The following SCAMP4 variants were observed in gnomAD, a reference collection of about 807,000 sequenced individuals.
The protein encoded by SCAMP4 is secretory carrier membrane protein 4, also known as secretory carrier-associated membrane protein 4.
In SCAMP4, 19 loss-of-function variants were observed where a neutral mutation model predicts 32.1. The observed-to-expected ratio is 0.59, with a 90% CI of 0.41 to 0.87. SCAMP4 has a LOEUF of 0.87. SCAMP4 is among the 40% of genes least tolerant of loss of function. The pLI is 0.00. For missense variants in SCAMP4, 302 were observed against 309.0 expected (o/e 0.98, Z 0.17); for synonymous variants, 152 against 132.7 (o/e 1.15, Z -1.00).
intron 5 of SCAMP4, chr19:1,921,590 T>C (rs1368421876): frequency 7.1e-6 from 7 of 985,330 alleles, no homozygotes; most frequent in Non-Finnish European, 8.4e-6. Context: ...TGCTGGCCAG[T>C]GGGAAGCTGC....
chr19:1,921,015 C>T (rs1326335479), intron 5 of SCAMP4: 9 of 985,314 alleles, frequency 9.1e-6, no homozygotes, highest in Non-Finnish European at 1.1e-5. Flanking sequence ...AGAAGGTGAA[C>T]GCTCTTGAGA....
At chr19:1,912,428 ACGGCCGGCTGTGGACCCCCG>A (rs2013513989) in intron 1 of SCAMP4, 1 of 1,511,650 alleles carries the variant, frequency 6.6e-7, no homozygotes, top group Non-Finnish European at 8.8e-7. Context: ...AGCTCCTGCC[ACGGCCGGCTGTGGACCCCCG>A]CGGCCTGGGG....
chr19:1,921,061 C>A, intron 5 of SCAMP4: 10 of 985,436 alleles, frequency 1.0e-5, no homozygotes, highest in Non-Finnish European at 1.2e-5. Context: ...GCCCGGCCCC[C>A]CTTGTAATGA....
intron 1 of SCAMP4, among the ~76,000 whole-genome samples, chr19:1,907,734 C>T (rs2013209160): frequency 6.6e-6 from 1 of 152,186 alleles, no homozygotes; most frequent in African/African-American, 2.4e-5. Context: ...CCTGGGCTGC[C>T]TGCCCTCCTG....
intron 1 of SCAMP4, chr19:1,906,369 GAAA>G (rs2013113467): frequency 6.7e-6 from 1 of 149,568 alleles, no homozygotes; most frequent in African/African-American, 2.4e-5. Flanking sequence ...CCAAAAAAAA[GAAA>G]AAAAGATTTT....
intron 2 of SCAMP4, among the ~76,000 whole-genome samples, chr19:1,917,118 G>A (rs1599250120): frequency 6.6e-6 from 1 of 152,200 alleles, no homozygotes. Context: ...TGGCCAACAT[G>A]GTGAAACCTC....
intron 1 of SCAMP4, chr19:1,911,948 G>T: frequency 2.2e-6 from 3 of 1,384,944 alleles, no homozygotes; most frequent in Non-Finnish European, 2.8e-6. Context: ...CGGAGCCCTC[G>T]GACTAGCCTC....
intron 5 of SCAMP4, 61 bp downstream of exon 5, chr19:1,919,051 C>T (rs1599252988): frequency 6.4e-7 from 1 of 1,560,370 alleles, no homozygotes; most frequent in African/African-American, 1.4e-5. Context: ...GGTTGTGGGC[C>T]TGCTGGGAAG....
Position 1,914,808 on chromosome 19 carries a change from G to T in SCAMP4, c.-41-171G>T, listed in dbSNP as rs1193749309. 2.0e-5 allele frequency among the ~76,000 whole-genome samples: 3 copies of T among 152,184 alleles called. No individual in the cohort carries two copies. In the East Asian group the frequency reaches 5.8e-4, roughly 29 times the overall value. ...TGTGCACTGGAGCCGAGGGGAGGGGGACCTGTGGGGTAACACATTGGGTCG... is the reference window on the plus strand; with the variant it reads ...TGTGCACTGGAGCCGAGGGGAGGGGTACCTGTGGGGTAACACATTGGGTCG... On this transcript the variant is annotated intron_variant, in intron 1 of 6. Coordinates refer to ENST00000316097, the MANE Select transcript of SCAMP4 (RefSeq NM_079834.4).
At chr19:1,919,897 C>T (rs1165310965) in intron 5 of SCAMP4, among the ~76,000 whole-genome samples, 6 of 151,474 alleles carry the variant, frequency 4.0e-5, no homozygotes, top group Non-Finnish European at 8.8e-5. Context: ...GCAACCTTCA[C>T]CTCCCAGGTT....
Position 1,912,935 on chromosome 19 carries a change from T to C in SCAMP4, c.-41-2044T>C, listed in dbSNP as rs12984675. On this transcript the variant is annotated intron_variant, in intron 1 of 6. Transcript: ENST00000316097. ...AGGACGGCCTCCCCTACCTGTGCAC[T>C]GGCTACGACCTGTACGTGACCCGCG... 312,010 of 1,588,924 alleles carry C rather than the reference T, an allele frequency of 0.2. 37,939 individuals carry two copies. Among genetic ancestry groups the C allele is most frequent in the East Asian group, 0.46 (20,732 of 44,620 alleles).
chr19:1,916,786 G>T (rs1027291376), intron 2 of SCAMP4, among the ~76,000 whole-genome samples: 2 of 152,182 alleles, frequency 1.3e-5, no homozygotes, highest in African/African-American at 2.4e-5. Context: ...CCTCCCAGTC[G>T]GTGGTGGTTT....
At chr19:1,909,462 G>A (rs111885200) in intron 1 of SCAMP4, among the ~76,000 whole-genome samples, 2 of 152,320 alleles carry the variant, frequency 1.3e-5, no homozygotes, top group African/African-American at 4.8e-5. Flanking sequence ...TGTGCCAGCA[G>A]CAGGGATGGT....
intron 5 of SCAMP4, chr19:1,922,615 G>A (rs1164295215): frequency 2.1e-5 from 21 of 985,528 alleles, no homozygotes; most frequent in Admixed American, 1.9e-4. Context: ...CCGGACATGC[G>A]GATGTAGGTT....
rs1393323669 is a variant in SCAMP4 at position 1,918,879 on chromosome 19, C to T, written c.294-10C>T. 13 of 1,596,352 alleles carry T rather than the reference C, an allele frequency of 8.1e-6. No individual in the cohort carries two copies. Among genetic ancestry groups the T allele is most frequent in the Admixed American group, 7.0e-5 (4 of 56,888 alleles). On this transcript the variant is annotated splice_polypyrimidine_tract_variant and intron_variant, in intron 4 of 6. Transcript: ENST00000316097. Reference sequence around the variant, plus strand: ...CTGTGGTAACCGTCGTGTTTTCTGTCCCTCCCCAGAGCCGACAGCTCCTTT... The same window carrying T: ...CTGTGGTAACCGTCGTGTTTTCTGTTCCTCCCCAGAGCCGACAGCTCCTTT...
intron 1 of SCAMP4, among the ~76,000 whole-genome samples, chr19:1,907,852 C>G (rs1372940989): frequency 6.6e-6 from 1 of 152,152 alleles, no homozygotes; most frequent in Non-Finnish European, 1.5e-5. Context: ...AGTCGTCCCC[C>G]CGGGCCATAG....
At chr19:1,921,253 C>A in intron 5 of SCAMP4, 4 of 985,308 alleles carry the variant, frequency 4.1e-6, no homozygotes, top group Non-Finnish European at 4.8e-6. Context: ...GCGACAGCCC[C>A]GCTCTCCCTG....
At chr19:1,921,196 C>G in intron 5 of SCAMP4, 3 of 985,068 alleles carry the variant, frequency 3.0e-6, no homozygotes, top group Non-Finnish European at 2.4e-6. Flanking sequence ...GGCGGCTTCA[C>G]CAGCGCCACC....
intron 5 of SCAMP4, chr19:1,920,706 A>G: frequency 2.0e-6 from 2 of 985,464 alleles, no homozygotes; most frequent in Non-Finnish European, 2.4e-6. Context: ...CTGAGCTCCC[A>G]GCTGCCAGCT....
Sources: allele counts gnomAD v4.1 joint callset (sites outside exome capture counted in the v4.1 genomes callset), GRCh38; gene constraint gnomAD v4.1.1; transcripts MANE v1.5; gene names NCBI Gene and HGNC (gene_info 2026-07-23, HGNC 2026-07-21).